The following ADGRL3 variants were observed in gnomAD, a reference collection of about 807,000 sequenced individuals.
ADGRL3 encodes adhesion G protein-coupled receptor L3.
In ADGRL3, 62 loss-of-function variants were observed where a neutral mutation model predicts 153.5. That is an observed-to-expected ratio of 0.40 (90% CI 0.33 to 0.50). The LOEUF is 0.50. ADGRL3 is among the 20% of genes least tolerant of loss of function. The pLI is 0.47. For missense variants in ADGRL3, 1,641 were observed against 1,859.4 expected (o/e 0.88, Z 2.16); for synonymous variants, 710 against 672.5 (o/e 1.06, Z -0.86).
At chr4:61,992,959 G>C (rs986079604) in intron 19 of ADGRL3, among the ~76,000 whole-genome samples, 2 of 152,066 alleles carry the variant, frequency 1.3e-5, no homozygotes, top group African/African-American at 2.4e-5. Context: ...TATTTGTTTA[G>C]ATTCCTTAAC....
intron 9 of ADGRL3, among the ~76,000 whole-genome samples, chr4:61,844,313 T>C (rs1581105625): frequency 6.6e-6 from 1 of 151,074 alleles, no homozygotes; most frequent in African/African-American, 2.4e-5. Context: ...TTTGGGAGGC[T>C]GAGGTGGGTG....
In ADGRL3 at chr4:61,732,827, G is replaced by C; in HGVS notation, c.672G>C (p.Gly224=). The change falls in exon 8 of 27, where the codon GGG becomes GGC. Residue 224 remains glycine, a synonymous_variant. Coordinates refer to ENST00000683033, the MANE Select transcript of ADGRL3 (RefSeq NM_001387552.1). ...TGTTTGAGTCCGACCACCAATCTGGGGCGTGGTGCAAAGACCCTCTGCAGG... is the reference window on the plus strand; with the variant it reads ...TGTTTGAGTCCGACCACCAATCTGGCGCGTGGTGCAAAGACCCTCTGCAGG... ...EHLFESDHQS[G]AWCKDPLQAS... 1 of 1,611,186 alleles carries C rather than the reference G, an allele frequency of 6.2e-7. No homozygotes were observed. Among genetic ancestry groups the C allele is most frequent in the South Asian group, 1.1e-5 (1 of 90,538 alleles).
At chr4:61,782,970 T>C (rs1403801502) in intron 8 of ADGRL3, among the ~76,000 whole-genome samples, 1 of 152,184 alleles carries the variant, frequency 6.6e-6, no homozygotes, top group African/African-American at 2.4e-5. Flanking sequence ...GACTTTGTTG[T>C]ATCATAAGCC....
intron 4 of ADGRL3, among the ~76,000 whole-genome samples, chr4:61,532,547 C>CGTGTGTGTGTGTGT (rs1476156297): frequency 5.1e-4 from 32 of 62,190 alleles, no homozygotes; most frequent in African/African-American, 1.5e-3. Context: ...CGCGCGCGCG[C>CGTGTGTGTGTGTGT]GCGCGCGCGT....
At chr4:61,996,582 T>C (rs1423155263) in intron 20 of ADGRL3, among the ~76,000 whole-genome samples, 4 of 152,216 alleles carry the variant, frequency 2.6e-5, no homozygotes, top group African/African-American at 7.2e-5. Flanking sequence ...CAAAAGCTTA[T>C]GGAGTGTTAT....
intron 8 of ADGRL3, among the ~76,000 whole-genome samples, chr4:61,749,624 C>G (rs1306645049): frequency 6.6e-6 from 1 of 151,978 alleles, no homozygotes; most frequent in African/African-American, 2.4e-5. Context: ...AAACCAAACA[C>G]TGCATATTCT....
At position 61,717,140 on chromosome 4, in the gene ADGRL3, A is replaced by G. The variant is rs2096132566; in HGVS notation, c.584-13482A>G. 2.0e-5 allele frequency among the ~76,000 whole-genome samples: 3 copies of G among 151,532 alleles called. No homozygotes were observed. In the Admixed American group the frequency reaches 2.0e-4, roughly 10 times the overall value. ...AAACTTTACCTCCACGCTGTTTCCA[A>G]ATGTGTGTATCATTTTTTTTGAAGT... On this transcript the variant is annotated intron_variant, in intron 6 of 26. Coordinates refer to ENST00000683033, the MANE Select transcript of ADGRL3 (RefSeq NM_001387552.1).
rs1402166176 is a variant in ADGRL3 at position 61,456,437 on chromosome 4, ATAGATATATCTATATC to A, written c.-173-40681_-173-40666del. Among the ~76,000 whole-genome samples the A allele has an allele frequency of 4.3e-4, 55 of 126,978 alleles. 1 individual carries two copies. The highest frequency in any genetic ancestry group is 6.0e-4 in the Non-Finnish European group (37 of 61,940). 83.3% of individuals were successfully genotyped at this position (126,978 alleles called of 152,430 possible). On this transcript the variant is annotated intron_variant, in intron 2 of 26. Transcript: ENST00000683033. ...TATAGATATATCTATATCTATATAT[ATAGATATATCTATATC>A]TATATATATAGATATATCTATATCT...
At chr4:61,818,617 A>G (rs1422895612) in intron 9 of ADGRL3, among the ~76,000 whole-genome samples, 3 of 152,202 alleles carry the variant, frequency 2.0e-5, no homozygotes, top group Non-Finnish European at 4.4e-5. Flanking sequence ...ACAATTTGAC[A>G]GGAGATTTGG....
chr4:61,556,586 G>T (rs1316113073), intron 4 of ADGRL3, among the ~76,000 whole-genome samples: 2 of 152,112 alleles, frequency 1.3e-5, no homozygotes, highest in Non-Finnish European at 2.9e-5. Context: ...ATTTGCAGTA[G>T]GGAAGGGCCT....
intron 25 of ADGRL3, among the ~76,000 whole-genome samples, chr4:62,060,668 T>C (rs1739601756): frequency 6.6e-6 from 1 of 151,974 alleles, no homozygotes; most frequent in Non-Finnish European, 1.5e-5. Context: ...ATCCTCTTAT[T>C]AATCTTAAAT....
chr4:61,501,095 C>A (rs1160667767), intron 3 of ADGRL3, among the ~76,000 whole-genome samples: 1 of 152,158 alleles, frequency 6.6e-6, no homozygotes, highest in African/African-American at 2.4e-5. Flanking sequence ...GCCTGACAGA[C>A]CAGAGATGAA....
chr4:61,474,337 G>A (rs1362075259), intron 2 of ADGRL3, among the ~76,000 whole-genome samples: 1 of 152,090 alleles, frequency 6.6e-6, no homozygotes, highest in Non-Finnish European at 1.5e-5. Context: ...AAATCAATTT[G>A]ACTGTTTTCT....
At chr4:61,318,109 G>T (rs1303752745) in intron 1 of ADGRL3, among the ~76,000 whole-genome samples, 1 of 147,702 alleles carries the variant, frequency 6.8e-6, no homozygotes, top group Non-Finnish European at 1.5e-5. Flanking sequence ...CCTGGGGGGC[G>T]TAGGTTGCAG....
intron 1 of ADGRL3, among the ~76,000 whole-genome samples, chr4:61,300,836 G>C (rs536727968): frequency 5.4e-5 from 8 of 149,028 alleles, no homozygotes; most frequent in Non-Finnish European, 1.0e-4. Context: ...CGTGATCTCA[G>C]CTCACTGCAG....
Position 61,657,691 on chromosome 4 carries a change from C to T in ADGRL3, c.474-19135C>T, listed in dbSNP as rs115586089. The stretch of plus-strand genomic sequence containing the variant: ...CCTTCTGAATAATTTTGAAAATGTC[C>T]GCTTGCTTTGGAGAAAAAAGCAAAC... On this transcript the variant is annotated intron_variant, in intron 5 of 26. Coordinates refer to ENST00000683033, the MANE Select transcript of ADGRL3 (RefSeq NM_001387552.1). Among the ~76,000 whole-genome samples, 881 of 152,002 alleles carry T rather than the reference C, an allele frequency of 5.8e-3. 5 individuals are homozygous for T. Among genetic ancestry groups the T allele is most frequent in the African/African-American group, 0.02 (838 of 41,464 alleles).
intron 6 of ADGRL3, among the ~76,000 whole-genome samples, chr4:61,680,629 C>T (rs1294728996): frequency 1.3e-5 from 2 of 151,826 alleles, no homozygotes; most frequent in Non-Finnish European, 2.9e-5. Flanking sequence ...ATAATTCTTG[C>T]ACGGAATTTT....
chr4:61,257,345 T>G lies in ADGRL3; in HGVS notation c.-240+55580T>G, dbSNP rs995565493. Among the ~76,000 whole-genome samples, 13 of 152,176 alleles carry G rather than the reference T, an allele frequency of 8.5e-5. 1 individual carries two copies. The highest frequency in any genetic ancestry group is 3.1e-4 in the African/African-American group (13 of 41,452). On this transcript the variant is annotated intron_variant, in intron 1 of 26. Coordinates refer to ENST00000683033, the MANE Select transcript of ADGRL3 (RefSeq NM_001387552.1). ...TAAAAAATTCCATTTGCTTCCAAGTTGTGGAGAGAAGAAAGAAGACAATTA... is the reference window on the plus strand; with the variant it reads ...TAAAAAATTCCATTTGCTTCCAAGTGGTGGAGAGAAGAAAGAAGACAATTA...
intron 25 of ADGRL3, among the ~76,000 whole-genome samples, chr4:62,066,379 G>A (rs1195377461): frequency 6.6e-6 from 1 of 151,834 alleles, no homozygotes; most frequent in Admixed American, 6.6e-5. Context: ...ACCTATTCTT[G>A]GTTGTAACAC....
Sources: allele counts gnomAD v4.1 joint callset (sites outside exome capture counted in the v4.1 genomes callset), GRCh38; gene constraint gnomAD v4.1.1; transcripts MANE v1.5; gene names NCBI Gene and HGNC (gene_info 2026-07-23, HGNC 2026-07-21).